The following DAB1 variants were observed in gnomAD, a reference collection of about 807,000 sequenced individuals.
The protein encoded by DAB1 is disabled homolog 1.
Under a neutral mutation model 64.6 loss-of-function variants are expected in DAB1, and 15 were observed. That is an observed-to-expected ratio of 0.23 (90% CI 0.16 to 0.36). The LOEUF (loss-of-function observed/expected upper bound fraction) is 0.36, where lower values mean the gene tolerates loss of function less well. Among genes scored for constraint, DAB1 ranks in the 10% least tolerant of loss-of-function variants. The pLI, the probability that DAB1 is intolerant of heterozygous loss-of-function variation, is 1.00. For synonymous variants in DAB1, 235 were observed against 251.9 expected (o/e 0.93, Z 0.64); for missense variants, 596 against 706.7 (o/e 0.84, Z 1.78).
chr1:58,418,803 A>G (rs1459584885), intron 3 of DAB1, among the ~76,000 whole-genome samples: 1 of 152,170 alleles, frequency 6.6e-6, no homozygotes, highest in Non-Finnish European at 1.5e-5. Context: ...CATAAGTTGC[A>G]AGAGGGATAT....
At chr1:57,490,490 G>A (rs1644148284) in intron 7 of DAB1, among the ~76,000 whole-genome samples, 1 of 151,820 alleles carries the variant, frequency 6.6e-6, no homozygotes, top group South Asian at 2.1e-4. Context: ...TGCCTAGGCT[G>A]CTTTAACTTT....
At chr1:57,489,899 A>G (rs140644296) in intron 7 of DAB1, among the ~76,000 whole-genome samples, 1 of 152,260 alleles carries the variant, frequency 6.6e-6, no homozygotes, top group East Asian at 1.9e-4. Flanking sequence ...TGTTAAACTC[A>G]TACGTTGAAA....
intron 7 of DAB1, among the ~76,000 whole-genome samples, chr1:57,534,885 G>C (rs770391738): frequency 6.6e-6 from 1 of 152,146 alleles, no homozygotes; most frequent in African/African-American, 2.4e-5. Context: ...TCCTCACTGT[G>C]CTGCAAAATC....
intron 6 of DAB1, among the ~76,000 whole-genome samples, chr1:57,714,492 C>T (rs1216887594): frequency 2.0e-5 from 3 of 152,082 alleles, no homozygotes; most frequent in South Asian, 2.1e-4. Flanking sequence ...GGAGAAGATC[C>T]CAGAGCTAGG....
chr1:57,318,876 T>C (rs1005366427), intron 1 of DAB1, among the ~76,000 whole-genome samples: 5 of 152,338 alleles, frequency 3.3e-5, no homozygotes, highest in Non-Finnish European at 7.3e-5. Context: ...ATCACAGTTC[T>C]ATGCCTGCTC....
chr1:57,404,576 CT>C (rs1183966713), intron 1 of DAB1, among the ~76,000 whole-genome samples: 2 of 152,034 alleles, frequency 1.3e-5, no homozygotes, highest in Non-Finnish European at 2.9e-5. Context: ...GTATAAATGA[CT>C]TTTTTTCTCT....
At chr1:57,713,931 G>C (rs1439420129) in intron 6 of DAB1, among the ~76,000 whole-genome samples, 1 of 151,586 alleles carries the variant, frequency 6.6e-6, no homozygotes, top group Non-Finnish European at 1.5e-5. Context: ...CAGATTGTCT[G>C]TCTATATTGA....
chr1:58,318,194 A>T (rs1662601734), intron 4 of DAB1, among the ~76,000 whole-genome samples: 2 of 152,248 alleles, frequency 1.3e-5, no homozygotes, highest in South Asian at 4.2e-4. Flanking sequence ...CTCACTTCTC[A>T]CCTCATGCTA....
chr1:57,495,316 C>T (rs1644217474), intron 7 of DAB1, among the ~76,000 whole-genome samples: 1 of 152,128 alleles, frequency 6.6e-6, no homozygotes, highest in African/African-American at 2.4e-5. Context: ...TTTCTTGTCA[C>T]TTTGAATTTT....
At chr1:58,249,515 G>A (rs1350753163) in intron 4 of DAB1, among the ~76,000 whole-genome samples, 1 of 152,070 alleles carries the variant, frequency 6.6e-6, no homozygotes, top group Non-Finnish European at 1.5e-5. Flanking sequence ...TGGCGGGAGG[G>A]TTAAAATTAC....
chr1:57,191,348 G>A (rs375769408), intron 2 of DAB1, among the ~76,000 whole-genome samples: 1 of 152,126 alleles, frequency 6.6e-6, no homozygotes, highest in Admixed American at 6.6e-5. Flanking sequence ...GAATTTGTAG[G>A]GGATATTTCA....
At chr1:58,452,183 C>T (rs564481531) in intron 3 of DAB1, among the ~76,000 whole-genome samples, 45 of 152,024 alleles carry the variant, frequency 3.0e-4, no homozygotes, top group African/African-American at 1.0e-3. Flanking sequence ...ATCCACCCAC[C>T]TTGGCCTTCC....
intron 5 of DAB1, among the ~76,000 whole-genome samples, chr1:58,073,524 GTCTGGTAGAA>G (rs1443356411): frequency 3.9e-5 from 6 of 152,218 alleles, no homozygotes; most frequent in Non-Finnish European, 8.8e-5. Flanking sequence ...CTAAGACTAT[GTCTGGTAGAA>G]TACAGTCTTC....
At chr1:58,473,898 T>A in intron 3 of DAB1, 1 of 941,678 alleles carries the variant, frequency 1.1e-6, no homozygotes, top group Non-Finnish European at 1.5e-6. Flanking sequence ...TTCTGTGTTC[T>A]GGATGAAGCT....
chr1:57,817,685 G>C (rs966436767), intron 6 of DAB1, among the ~76,000 whole-genome samples: 1 of 152,158 alleles, frequency 6.6e-6, no homozygotes, highest in Non-Finnish European at 1.5e-5. Flanking sequence ...ATGAGAGCTA[G>C]AGCTGCAAAG....
chr1:57,011,539 A>T (rs1419488458), intron 12 of DAB1, among the ~76,000 whole-genome samples: 1 of 152,236 alleles, frequency 6.6e-6, no homozygotes, highest in Non-Finnish European at 1.5e-5. Context: ...CAGCAGCAGT[A>T]GCATCTGGGA....
intron 3 of DAB1, among the ~76,000 whole-genome samples, chr1:58,412,290 C>T (rs1644679113): frequency 6.6e-6 from 1 of 150,870 alleles, no homozygotes; most frequent in Non-Finnish European, 1.5e-5. Flanking sequence ...CTCACCTGAG[C>T]TCCTGGATGG....
At chr1:57,760,089 A>G (rs1323820) in intron 6 of DAB1, among the ~76,000 whole-genome samples, 84,114 of 151,922 alleles carry the variant, frequency 0.55, 23,790 homozygotes, top group African/African-American at 0.66. Context: ...CTCTCCATGG[A>G]GTGTTGAATG....
chr1:57,806,861 G>A (rs1651387417), intron 6 of DAB1, among the ~76,000 whole-genome samples: 2 of 152,026 alleles, frequency 1.3e-5, no homozygotes, highest in Admixed American at 6.6e-5. Context: ...TTTAAAACAT[G>A]TTTTATATAC....
Sources: gnomAD v4.1 joint callset for allele counts (sites outside exome capture counted in the v4.1 genomes callset) on GRCh38, gnomAD v4.1.1 for gene constraint, MANE v1.5 for transcripts, NCBI Gene and HGNC (gene_info 2026-07-23, HGNC 2026-07-21) for gene names.